Variants in DOCK9 observed in about 807,000 individuals in gnomAD.
DOCK9 encodes dedicator of cytokinesis 9.
DOCK9 carries 89 observed loss-of-function variants against 263.3 expected under a neutral mutation model. The ratio of observed to expected loss-of-function variants is 0.34; its 90% CI spans 0.28 to 0.40. The LOEUF (loss-of-function observed/expected upper bound fraction) is 0.40, where lower values mean the gene tolerates loss of function less well. DOCK9 is among the 10% of genes least tolerant of loss of function. The pLI is 1.00. For missense variants in DOCK9, 2,140 were observed against 2,603.4 expected, an observed-to-expected ratio of 0.82 and a Z score of 3.87; for synonymous variants, 976 against 973.1, an observed-to-expected ratio of 1.00 and a Z score of -0.06.
At chr13:99,086,240 GCAC>G in exon 1 of DOCK9, 2 of 1,505,146 alleles carry the variant, frequency 1.3e-6, no homozygotes, top group Non-Finnish European at 1.8e-6. Context: ...ACGGAGCCGC[GCAC>G]CACCTCAGAC....
At chr13:99,006,936 C>G (rs147198492) in intron 1 of DOCK9, among the ~76,000 whole-genome samples, 2,021 of 151,892 alleles carry the variant, frequency 0.013, 30 homozygotes, top group South Asian at 0.032. Flanking sequence ...ATAAGAAATA[C>G]AAAAAGTTAG....
chr13:98,849,400 AATT>A lies in DOCK9; in HGVS notation c.4013+644_4013+646del, dbSNP rs1287391833. On this transcript the variant is annotated intron_variant, in intron 36 of 52. Transcript: ENST00000682017. ...AGCTACTTTTAGTTATGATTTATTC[AATT>A]ATTATGAACAATAATAGTTCTGCAG... Among the ~76,000 whole-genome samples, 172 of 151,694 alleles carry A rather than the reference AATT, an allele frequency of 1.1e-3. 2 individuals carry two copies. Among genetic ancestry groups the A allele is most frequent in the Non-Finnish European group, 2.8e-4 (19 of 67,954 alleles).
chr13:98,941,673 T>G (rs566965967), intron 2 of DOCK9, among the ~76,000 whole-genome samples: 3 of 152,010 alleles, frequency 2.0e-5, no homozygotes, highest in Non-Finnish European at 2.9e-5. Context: ...AAACCAGGAG[T>G]AGCCTTGTGG....
intron 26 of DOCK9, 49 bp from the exon 27 acceptor site, chr13:98,880,018 G>T: frequency 7.1e-7 from 1 of 1,408,018 alleles, no homozygotes. Flanking sequence ...AAACTGGTAG[G>T]TAAGACATGA....
chr13:98,997,185 G>A (rs776446556), intron 1 of DOCK9, among the ~76,000 whole-genome samples: 17 of 152,244 alleles, frequency 1.1e-4, no homozygotes, highest in Non-Finnish European at 2.4e-4. Context: ...CAGGGCACCT[G>A]TGTCTGCTGC....
chr13:98,896,416 A>G (rs1010230289), intron 15 of DOCK9, among the ~76,000 whole-genome samples: 5 of 152,040 alleles, frequency 3.3e-5, no homozygotes, highest in Non-Finnish European at 7.4e-5. Context: ...AAAAGGTAAA[A>G]TAAGGTTAAA....
chr13:99,006,029 G>C (rs1883281686), intron 1 of DOCK9, among the ~76,000 whole-genome samples: 1 of 152,138 alleles, frequency 6.6e-6, no homozygotes, highest in Non-Finnish European at 1.5e-5. Flanking sequence ...GGTAATGGAA[G>C]AAACCACAGA....
At chr13:98,848,755 G>T in intron 36 of DOCK9, 116 bp from the exon 37 acceptor site, 2 of 1,062,920 alleles carry the variant, frequency 1.9e-6, no homozygotes, top group Non-Finnish European at 2.7e-6. Context: ...ACCAGCATAA[G>T]TCACATCCTC....
Position 98,885,736 on chromosome 13 carries a change from C to G in DOCK9, c.2232G>C (p.Thr744=), listed in dbSNP as rs146038138. The change falls in exon 20 of 53, where the codon ACG becomes ACC. Residue 744 remains threonine (T), a synonymous_variant. Coordinates refer to ENST00000682017, the MANE Select transcript of DOCK9 (RefSeq NM_001366683.2). Reference sequence around the variant, plus strand: ...GGGTTTCAACGACATCCCTCTTCTTCGTGCTTCCTTTACTTGAGTTGTCAC... The same window carrying G: ...GGGTTTCAACGACATCCCTCTTCTTGGTGCTTCCTTTACTTGAGTTGTCAC... ...VSCDNSSKGS[T]KKRDVVETQV... is the part of the protein sequence containing the mutation. 2.4e-3 allele frequency: 3,889 copies of G among 1,611,524 alleles called. 14 individuals are homozygous for G. The highest frequency in any genetic ancestry group is 8.0e-3 in the South Asian group (722 of 90,494).
At chr13:98,982,121 T>C (rs551446387), upstream of DOCK9, among the ~76,000 whole-genome samples, 1 of 152,296 alleles carries the variant, frequency 6.6e-6, no homozygotes, top group South Asian at 2.1e-4. Flanking sequence ...AGAAGCAGGA[T>C]GGAATGAATG....
At chr13:99,035,403 G>A (rs190262140) in intron 1 of DOCK9, among the ~76,000 whole-genome samples, 3 of 152,204 alleles carry the variant, frequency 2.0e-5, no homozygotes, top group Admixed American at 6.5e-5. Flanking sequence ...ACATTTCTCA[G>A]TCTCTCTTGC....
intron 33 of DOCK9, chr13:98,860,103 A>G (rs2093817639): frequency 4.8e-6 from 5 of 1,037,402 alleles, no homozygotes; most frequent in Admixed American, 3.7e-5. Flanking sequence ...ATCCCTTAAC[A>G]GTATACACAA....
chr13:99,025,451 T>C (rs1313488756), intron 1 of DOCK9: 1 of 152,182 alleles, frequency 6.6e-6, no homozygotes, highest in Non-Finnish European at 1.5e-5. Flanking sequence ...GACAATGAGC[T>C]TTCACTTCAC....
At chr13:99,050,856 C>G (rs757333365) in intron 1 of DOCK9, among the ~76,000 whole-genome samples, 117 of 152,294 alleles carry the variant, frequency 7.7e-4, no homozygotes, top group Admixed American at 1.8e-3. Flanking sequence ...ACATGGCCCC[C>G]CCAGGTGTTG....
At chr13:99,050,143 A>G (rs1351994293) in intron 1 of DOCK9, among the ~76,000 whole-genome samples, 1 of 152,224 alleles carries the variant, frequency 6.6e-6, no homozygotes, top group Non-Finnish European at 1.5e-5. Flanking sequence ...ATGGACAGCA[A>G]GTAAAAACAA....
intron 18 of DOCK9, among the ~76,000 whole-genome samples, chr13:98,887,726 G>A (rs2046001367): frequency 6.7e-6 from 1 of 148,996 alleles, no homozygotes; most frequent in Admixed American, 6.7e-5. Flanking sequence ...AGTACAAACA[G>A]CTTTCAATAA....
At chr13:98,902,523 A>G in intron 11 of DOCK9, 32 bp from the exon 12 acceptor site, 2 of 1,597,354 alleles carry the variant, frequency 1.3e-6, no homozygotes, top group Non-Finnish European at 1.7e-6. Flanking sequence ...AATGATCACC[A>G]TGGCTCAAAC....
At position 98,794,540 on chromosome 13, in the gene DOCK9, T is replaced by G; in HGVS notation, c.*86A>C. 6.9e-7 allele frequency: 1 copy of G among 1,441,924 alleles called. No homozygotes were observed. The highest frequency in any genetic ancestry group is 9.4e-7 in the Non-Finnish European group (1 of 1,067,940). 89.3% of individuals were successfully genotyped at this position (1,441,924 alleles called of 1,614,324 possible). A position where few individuals can be genotyped will look rare whatever the true frequency, so the allele number is the denominator to read the frequency against. ...CCCTTCCCCTTGGTCCTCCCTGTGCTCGGTCTCCCCAGTGATTGGCTTTGG... is the reference window on the plus strand; with the variant it reads ...CCCTTCCCCTTGGTCCTCCCTGTGCGCGGTCTCCCCAGTGATTGGCTTTGG... On this transcript the variant is annotated 3_prime_UTR_variant, in exon 53 of 53. Coordinates refer to ENST00000682017, the MANE Select transcript of DOCK9 (RefSeq NM_001366683.2).
intron 7 of DOCK9, among the ~76,000 whole-genome samples, chr13:98,917,872 G>A (rs531832471): frequency 1.8e-4 from 28 of 152,200 alleles, no homozygotes; most frequent in Middle Eastern, 3.4e-3. Context: ...TCCACCTGGC[G>A]GCACCAGCTG....
Sources: gnomAD v4.1 joint callset for allele counts (sites outside exome capture counted in the v4.1 genomes callset) on GRCh38, gnomAD v4.1.1 for gene constraint, MANE v1.5 for transcripts, NCBI Gene and HGNC (gene_info 2026-07-23, HGNC 2026-07-21) for gene names.